PCDH9: variants seen among roughly 807,000 people sequenced by gnomAD.
PCDH9 encodes the protein protocadherin 9, also known as protocadherin-9.
Under a neutral mutation model 70.6 loss-of-function variants are expected in PCDH9, and 24 were observed. That is an observed-to-expected ratio of 0.34 (90% CI 0.25 to 0.48). PCDH9 has a LOEUF of 0.48. Ranked by LOEUF, PCDH9 falls within the 20% of genes least tolerant of loss-of-function variation. The pLI is 0.99. For synonymous variants in PCDH9, 562 were observed against 558.5 expected (o/e 1.01, Z -0.09); for missense variants, 1,281 against 1,503.6 (o/e 0.85, Z 2.45).
chr13:67,118,372 G>T (rs760346766), intron 2 of PCDH9, among the ~76,000 whole-genome samples: 7 of 152,086 alleles, frequency 4.6e-5, no homozygotes, highest in Non-Finnish European at 1.0e-4. Flanking sequence ...TGTGTTTTGG[G>T]GTATTTTTTG....
At chr13:67,187,901 G>A (rs963280102) in intron 2 of PCDH9, among the ~76,000 whole-genome samples, 1 of 151,896 alleles carries the variant, frequency 6.6e-6, no homozygotes, top group South Asian at 2.1e-4. Context: ...ACAATTTTTT[G>A]TGATAGGAAT....
intron 2 of PCDH9, among the ~76,000 whole-genome samples, chr13:66,993,505 G>A (rs1357838632): frequency 1.3e-5 from 2 of 152,148 alleles, no homozygotes; most frequent in African/African-American, 4.8e-5. Context: ...GAATGGGGAG[G>A]CTGAATTAGT....
chr13:66,630,993 T>C (rs1292099006), intron 4 of PCDH9, among the ~76,000 whole-genome samples: 1 of 152,196 alleles, frequency 6.6e-6, no homozygotes. Context: ...TTTTTCTTTT[T>C]TAATGGTTCA....
At chr13:66,950,982 T>C (rs1018766206) in intron 2 of PCDH9, among the ~76,000 whole-genome samples, 1 of 152,184 alleles carries the variant, frequency 6.6e-6, no homozygotes, top group Non-Finnish European at 1.5e-5. Context: ...AAATTGAATT[T>C]TATCATTTAA....
At chr13:66,763,959 C>A (rs1221336652) in intron 3 of PCDH9, among the ~76,000 whole-genome samples, 2 of 151,824 alleles carry the variant, frequency 1.3e-5, no homozygotes, top group Admixed American at 1.3e-4. Context: ...CCACAACACT[C>A]GACTAATTGT....
intron 4 of PCDH9, among the ~76,000 whole-genome samples, chr13:66,604,918 C>A (rs764632996): frequency 1.3e-5 from 2 of 151,772 alleles, no homozygotes; most frequent in Non-Finnish European, 2.9e-5. Context: ...TTAAGTAAGG[C>A]CGTAAAATTC....
chr13:66,909,087 C>T (rs1012311858), intron 2 of PCDH9, among the ~76,000 whole-genome samples: 2 of 151,508 alleles, frequency 1.3e-5, no homozygotes, highest in African/African-American at 4.9e-5. Flanking sequence ...TGAGTCTCTT[C>T]TTTAAATTTT....
At position 66,435,343 on chromosome 13, in the gene PCDH9, T is replaced by C. The variant is rs370885547; in HGVS notation, c.3341-130315A>G. Among the ~76,000 whole-genome samples, 4 of 152,298 alleles carry C rather than the reference T, an allele frequency of 2.6e-5. No individual in the cohort carries two copies. The East Asian group carries it at 7.7e-4, about 29-fold the overall frequency. ...ATTAAGGGACATTAAATATGTCCAC[T>C]GTGAGTTTTACGACATTATCTAGAG... On this transcript the variant is annotated intron_variant, in intron 4 of 4. Transcript: ENST00000377865.
At chr13:66,587,251 T>C (rs2076975295) in intron 4 of PCDH9, among the ~76,000 whole-genome samples, 1 of 152,020 alleles carries the variant, frequency 6.6e-6, no homozygotes, top group South Asian at 2.1e-4. Context: ...TGAGACATGA[T>C]TGGACCACTG....
At chr13:67,098,882 T>C (rs989470838) in intron 2 of PCDH9, among the ~76,000 whole-genome samples, 25 of 152,072 alleles carry the variant, frequency 1.6e-4, no homozygotes, top group African/African-American at 4.8e-4. Flanking sequence ...AATAATTGAT[T>C]CCTGATTAAA....
In PCDH9 at chr13:66,473,622, G is replaced by A. The variant is rs1161213585; in HGVS notation, c.3340+157588C>T. 3.3e-5 allele frequency among the ~76,000 whole-genome samples: 5 copies of A among 152,222 alleles called. No individual in the cohort carries two copies. In the East Asian group the frequency reaches 9.6e-4, roughly 29 times the overall value. On this transcript the variant is annotated intron_variant, in intron 4 of 4. Coordinates refer to ENST00000377865, the MANE Select transcript of PCDH9 (RefSeq NM_203487.3). ...CAATGTGATAAATGACAAAATTTGA[G>A]CCCTTCAGGATCACTTTGTATGTGT...
At chr13:66,909,702 G>C (rs1205157384) in intron 2 of PCDH9, among the ~76,000 whole-genome samples, 1 of 152,160 alleles carries the variant, frequency 6.6e-6, no homozygotes, top group Non-Finnish European at 1.5e-5. Flanking sequence ...CTGGGAGGCG[G>C]AGCTTGCAGT....
chr13:67,189,880 A>C (rs1220932239), intron 2 of PCDH9, among the ~76,000 whole-genome samples: 2 of 152,038 alleles, frequency 1.3e-5, no homozygotes, highest in East Asian at 3.9e-4. Flanking sequence ...AGAAAAAAAA[A>C]ATGTAATGTT....
chr13:66,418,343 G>GT (rs1295615416), intron 4 of PCDH9, among the ~76,000 whole-genome samples: 1 of 152,118 alleles, frequency 6.6e-6, no homozygotes, highest in Non-Finnish European at 1.5e-5. Context: ...TGAAGCCTCT[G>GT]TTCTGTTCCA....
intron 4 of PCDH9, among the ~76,000 whole-genome samples, chr13:66,588,193 A>G (rs968948912): frequency 6.6e-6 from 1 of 151,762 alleles, no homozygotes; most frequent in Non-Finnish European, 1.5e-5. Context: ...CCTACATGCC[A>G]CTCTTGTTAA....
chr13:66,525,908 C>T (rs1189921638), intron 4 of PCDH9, among the ~76,000 whole-genome samples: 2 of 152,106 alleles, frequency 1.3e-5, no homozygotes, highest in East Asian at 1.9e-4. Context: ...TTAATCCTTA[C>T]GTTATAGCTC....
chr13:67,205,870 GCT>G (rs770837183), intron 2 of PCDH9: 43 of 152,092 alleles, frequency 2.8e-4, no homozygotes, highest in Non-Finnish European at 5.4e-4. Flanking sequence ...AACTGAAATG[GCT>G]CTCTCCAGTT....
intron 3 of PCDH9, among the ~76,000 whole-genome samples, chr13:66,857,296 G>A (rs2081410264): frequency 6.6e-6 from 1 of 152,066 alleles, no homozygotes; most frequent in South Asian, 2.1e-4. Flanking sequence ...AAGTTCAAAG[G>A]ACTAATTTAC....
chr13:67,156,140 A>C (rs993464543), intron 2 of PCDH9, among the ~76,000 whole-genome samples: 2 of 152,020 alleles, frequency 1.3e-5, no homozygotes, highest in Admixed American at 1.3e-4. Flanking sequence ...GACCTAGATG[A>C]GGACCTGGCA....
Sources: gnomAD v4.1 joint callset for allele counts (sites outside exome capture counted in the v4.1 genomes callset) on GRCh38, gnomAD v4.1.1 for gene constraint, MANE v1.5 for transcripts, NCBI Gene and HGNC (gene_info 2026-07-23, HGNC 2026-07-21) for gene names.